BABAM2: variants seen among roughly 807,000 people sequenced by gnomAD.
The protein encoded by BABAM2 is BRISC and BRCA1 A complex member 2.
A neutral mutation model predicts 54.7 loss-of-function variants in BABAM2; 31 were observed. That is an observed-to-expected ratio of 0.57 (90% CI 0.43 to 0.77). The LOEUF (loss-of-function observed/expected upper bound fraction) is 0.77. BABAM2 is among the 30% of genes least tolerant of loss of function. BABAM2 has a pLI of 0.00. For synonymous variants in BABAM2, 167 were observed against 162.9 expected (o/e 1.03, Z -0.19); for missense variants, 364 against 455.8 (o/e 0.80, Z 1.83).
At chr2:28,209,922 G>T (rs1431644096) in intron 7 of BABAM2, among the ~76,000 whole-genome samples, 1 of 152,058 alleles carries the variant, frequency 6.6e-6, no homozygotes, top group African/African-American at 2.4e-5. Flanking sequence ...AATATAGAGA[G>T]AAATCTAAAA....
At chr2:28,205,573 G>A (rs1052363162) in intron 7 of BABAM2, among the ~76,000 whole-genome samples, 2 of 152,074 alleles carry the variant, frequency 1.3e-5, no homozygotes, top group South Asian at 2.1e-4. Flanking sequence ...AGAAAGCACA[G>A]GGAGATTAAC....
At chr2:28,225,503 G>A (rs1680803913) in intron 7 of BABAM2, among the ~76,000 whole-genome samples, 1 of 152,120 alleles carries the variant, frequency 6.6e-6, no homozygotes, top group South Asian at 2.1e-4. Flanking sequence ...CATTTTCTGA[G>A]TGTTAAAATT....
chr2:28,311,115 G>T lies in BABAM2; in HGVS notation c.1088+12624G>T, dbSNP rs140665057. On this transcript the variant is annotated intron_variant, in intron 11 of 11. Coordinates refer to ENST00000379624, the MANE Select transcript of BABAM2 (RefSeq NM_199191.3). ...CCTCTACTAAAAATACAAAAAATTAGCCGAGTGTGGTGGTGGGCACCTGTA... is the reference window on the plus strand; with the variant it reads ...CCTCTACTAAAAATACAAAAAATTATCCGAGTGTGGTGGTGGGCACCTGTA... 5.7e-3 allele frequency among the ~76,000 whole-genome samples: 861 copies of T among 152,046 alleles called. 8 individuals carry two copies. Among genetic ancestry groups the T allele is most frequent in the African/African-American group, 0.019 (806 of 41,470 alleles).
intron 3 of BABAM2, among the ~76,000 whole-genome samples, chr2:27,950,659 A>C (rs1217652810): frequency 6.6e-6 from 1 of 152,132 alleles, no homozygotes. Context: ...TGGCTTCAGA[A>C]TAGAATGAGT....
intron 6 of BABAM2, among the ~76,000 whole-genome samples, chr2:28,056,370 C>T (rs1218417428): frequency 1.3e-5 from 2 of 152,156 alleles, no homozygotes; most frequent in Non-Finnish European, 2.9e-5. Context: ...TATCCCATAA[C>T]ATCAGATTGT....
rs778696496 is a variant in BABAM2 at position 28,097,111 on chromosome 2, G to C, written c.571-32160G>C. On this transcript the variant is annotated intron_variant, in intron 6 of 11. Coordinates refer to ENST00000379624, the MANE Select transcript of BABAM2 (RefSeq NM_199191.3). Reference sequence around the variant, plus strand: ...GGCAAGGGGTTCAAGCTGGCAGAAAGAGAGATGGGTAATTGACTGAGGACA... The same window carrying C: ...GGCAAGGGGTTCAAGCTGGCAGAAACAGAGATGGGTAATTGACTGAGGACA... 6.9e-4 allele frequency among the ~76,000 whole-genome samples: 105 copies of C among 152,308 alleles called. 2 individuals carry two copies. The highest frequency in any genetic ancestry group is 3.4e-3 in the Middle Eastern group (1 of 294).
rs976054781 is a variant in BABAM2, at chr2:28,329,558, G to C, written c.1089-8892G>C. On this transcript the variant is annotated intron_variant, in intron 11 of 11. Transcript: ENST00000379624. This position sits in a 1 kb window ranked among gnomAD's most constrained non-coding sequence, Gnocchi z 4.2. Reference sequence around the variant, plus strand: ...CAGAGAATACTATATAAACACCTCTGTGCAAATAAGCTAGAAAATCTAGAT... The same window carrying C: ...CAGAGAATACTATATAAACACCTCTCTGCAAATAAGCTAGAAAATCTAGAT... 2.6e-5 allele frequency among the ~76,000 whole-genome samples: 4 copies of C among 152,180 alleles called. No homozygotes were observed. The highest frequency in any genetic ancestry group is 4.4e-5 in the Non-Finnish European group (3 of 68,030).
chr2:27,924,492 C>G (rs1412241164), intron 2 of BABAM2, among the ~76,000 whole-genome samples: 2 of 152,090 alleles, frequency 1.3e-5, no homozygotes, highest in Non-Finnish European at 1.5e-5. Context: ...TCAAGCGATT[C>G]TCCTTCCTCA....
rs1391343517 is a variant in BABAM2 at position 28,239,485 on chromosome 2, A to T, written c.781-1838A>T. Among the ~76,000 whole-genome samples, 5 of 152,344 alleles carry T rather than the reference A, an allele frequency of 3.3e-5. 1 individual carries two copies. The Middle Eastern group carries it at 0.01, about 311-fold the overall frequency. On this transcript the variant is annotated intron_variant, in intron 8 of 11. Transcript: ENST00000379624. ...GTAAATGACTAACTTTCAGATGCCT[A>T]GCTTAATGAGTTTGCAATTTTTTTA...
intron 6 of BABAM2, among the ~76,000 whole-genome samples, 198 bp downstream of exon 6, chr2:28,045,997 G>A (rs372002513): frequency 6.6e-6 from 1 of 152,270 alleles, no homozygotes; most frequent in African/African-American, 2.4e-5. Context: ...ATTTAGAAGT[G>A]AGTTTTCCAT....
intron 6 of BABAM2, among the ~76,000 whole-genome samples, chr2:28,111,078 C>T (rs1429788836): frequency 1.3e-5 from 2 of 151,252 alleles, no homozygotes; most frequent in Admixed American, 6.6e-5. Context: ...AAGCAGTTCT[C>T]CTGCCTCAGC....
chr2:28,056,081 G>C (rs1185464068), intron 6 of BABAM2, among the ~76,000 whole-genome samples: 3 of 152,106 alleles, frequency 2.0e-5, no homozygotes, highest in African/African-American at 7.2e-5. Flanking sequence ...GGTTACCATG[G>C]GTTGGGGGTG....
intron 10 of BABAM2, among the ~76,000 whole-genome samples, chr2:28,285,284 G>A (rs761832900): frequency 6.6e-6 from 1 of 152,124 alleles, no homozygotes; most frequent in Admixed American, 6.5e-5. Flanking sequence ...CCCACCTCGA[G>A]TACACATGCC....
chr2:27,963,888 T>G (rs977421475), intron 3 of BABAM2, among the ~76,000 whole-genome samples: 1 of 152,220 alleles, frequency 6.6e-6, no homozygotes, highest in South Asian at 2.1e-4. Context: ...AAGAGACAGC[T>G]ACTGTGACAT....
intron 7 of BABAM2, among the ~76,000 whole-genome samples, chr2:28,139,321 CAAAAA>C (rs768755922): frequency 4.6e-5 from 4 of 87,090 alleles, no homozygotes; most frequent in African/African-American, 5.8e-5. Flanking sequence ...AACTCCGTCT[CAAAAA>C]AAAAAAAAAA....
chr2:28,230,065 G>C (rs978847889), intron 7 of BABAM2, among the ~76,000 whole-genome samples: 1 of 152,106 alleles, frequency 6.6e-6, no homozygotes, highest in African/African-American at 2.4e-5. Flanking sequence ...ACAAAAAGTG[G>C]AATACAGTAC....
intron 6 of BABAM2, among the ~76,000 whole-genome samples, chr2:28,048,376 G>C (rs1231592029): frequency 6.6e-6 from 1 of 152,146 alleles, no homozygotes. Flanking sequence ...AAACATATGT[G>C]GTTCTTACAG....
At chr2:27,980,257 G>A (rs913596675) in intron 3 of BABAM2, among the ~76,000 whole-genome samples, 1 of 152,030 alleles carries the variant, frequency 6.6e-6, no homozygotes, top group African/African-American at 2.4e-5. Flanking sequence ...ATGAAAAGTT[G>A]GAGTAAGCAG....
At chr2:27,921,884 C>T (rs1043394773) in intron 2 of BABAM2, among the ~76,000 whole-genome samples, 3 of 152,176 alleles carry the variant, frequency 2.0e-5, no homozygotes, top group African/African-American at 7.2e-5. Context: ...AGGATGAGCA[C>T]ATCATCCCAA....
Sources: allele counts gnomAD v4.1 joint callset (sites outside exome capture counted in the v4.1 genomes callset), GRCh38; gene constraint gnomAD v4.1.1; non-coding constraint Gnocchi (gnomAD v3.1); transcripts MANE v1.5; gene names NCBI Gene and HGNC (gene_info 2026-07-23, HGNC 2026-07-21).